Variants in LRFN5 observed in about 807,000 individuals in gnomAD.
LRFN5 encodes leucine-rich repeat and fibronectin type-III domain-containing protein 5.
In LRFN5, 24 loss-of-function variants were observed where a neutral mutation model predicts 45.6. That is an observed-to-expected ratio of 0.53 (90% CI 0.38 to 0.74). The LOEUF (loss-of-function observed/expected upper bound fraction) is 0.74. LRFN5 is among the 30% of genes least tolerant of loss of function. LRFN5 has a pLI of 0.00. For missense variants in LRFN5, 776 were observed against 861.5 expected, an observed-to-expected ratio of 0.90 and a Z score of 1.24; for synonymous variants, 340 against 313.8, an observed-to-expected ratio of 1.08 and a Z score of -0.88.
chr14:41,612,756 T>A (rs887015254), intron 1 of LRFN5, among the ~76,000 whole-genome samples: 4 of 152,112 alleles, frequency 2.6e-5, no homozygotes, highest in African/African-American at 9.7e-5. Flanking sequence ...AGAAGTATTA[T>A]GTTCATAATT....
At chr14:41,900,228 G>C (rs1227266711) in intron 5 of LRFN5, among the ~76,000 whole-genome samples, 1 of 152,042 alleles carries the variant, frequency 6.6e-6, no homozygotes, top group Non-Finnish European at 1.5e-5. Context: ...AGCCAAAATG[G>C]TACTAAATGT....
At chr14:41,758,639 T>A (rs1237608199) in intron 1 of LRFN5, among the ~76,000 whole-genome samples, 1 of 152,208 alleles carries the variant, frequency 6.6e-6, no homozygotes, top group Admixed American at 6.5e-5. Flanking sequence ...AGGGTTACGG[T>A]CTAATAAAAT....
intron 1 of LRFN5, among the ~76,000 whole-genome samples, chr14:41,671,250 A>C (rs1462243696): frequency 2.0e-5 from 3 of 152,178 alleles, no homozygotes; most frequent in Non-Finnish European, 1.5e-5. Flanking sequence ...CTAAGATGAG[A>C]ATATGGACTT....
At chr14:41,678,153 T>C (rs1881720122) in intron 1 of LRFN5, among the ~76,000 whole-genome samples, 1 of 152,034 alleles carries the variant, frequency 6.6e-6, no homozygotes, top group Non-Finnish European at 1.5e-5. Context: ...GATATACTAA[T>C]ATGTGACAAA....
intron 1 of LRFN5, among the ~76,000 whole-genome samples, chr14:41,658,611 A>G (rs1055813519): frequency 6.6e-6 from 1 of 151,980 alleles, no homozygotes; most frequent in African/African-American, 2.4e-5. Context: ...TTTTACCCAT[A>G]TAGCCAATGA....
intron 1 of LRFN5, among the ~76,000 whole-genome samples, chr14:41,669,013 A>G (rs902751286): frequency 1.3e-5 from 2 of 152,158 alleles, no homozygotes; most frequent in African/African-American, 4.8e-5. Flanking sequence ...GAAAATCAGG[A>G]TGAATAATCT....
chr14:41,805,609 G>T, intron 2 of LRFN5, among the ~76,000 whole-genome samples: 1 of 145,156 alleles, frequency 6.9e-6, no homozygotes. Context: ...CTGTGTCCAT[G>T]TGTTCTCATT....
chr14:41,667,723 G>T (rs1880970497), intron 1 of LRFN5, among the ~76,000 whole-genome samples: 1 of 152,042 alleles, frequency 6.6e-6, no homozygotes, highest in Admixed American at 6.6e-5. Context: ...CTGTTAATGG[G>T]CCTGTAGCTT....
chr14:41,810,957 T>G (rs1397401644), intron 2 of LRFN5, among the ~76,000 whole-genome samples: 1 of 151,962 alleles, frequency 6.6e-6, no homozygotes, highest in East Asian at 1.9e-4. Flanking sequence ...AAAAATGATA[T>G]CTGAATAAAG....
intron 2 of LRFN5, among the ~76,000 whole-genome samples, chr14:41,833,098 G>C (rs1888541706): frequency 6.6e-6 from 1 of 152,152 alleles, no homozygotes; most frequent in South Asian, 2.1e-4. Flanking sequence ...GCAGTTGGCA[G>C]TTTACCCATT....
At chr14:41,697,165 T>C (rs1476811592) in intron 1 of LRFN5, among the ~76,000 whole-genome samples, 2 of 151,982 alleles carry the variant, frequency 1.3e-5, no homozygotes, top group African/African-American at 2.4e-5. Flanking sequence ...ATTTCTTTCT[T>C]ATAGATAGGT....
intron 2 of LRFN5, among the ~76,000 whole-genome samples, chr14:41,798,729 TGTATA>T (rs980286472): frequency 1.6e-4 from 25 of 152,166 alleles, no homozygotes; most frequent in African/African-American, 5.5e-4. Flanking sequence ...GGTAAAAGTT[TGTATA>T]GTAATCTTTT....
At chr14:41,811,283 A>G (rs532232299) in intron 2 of LRFN5, among the ~76,000 whole-genome samples, 1 of 152,186 alleles carries the variant, frequency 6.6e-6, no homozygotes, top group South Asian at 2.1e-4. Flanking sequence ...AGTGTTAGTG[A>G]GCATGTCGAG....
At chr14:41,615,327 G>A (rs552712536) in intron 1 of LRFN5, among the ~76,000 whole-genome samples, 1 of 152,126 alleles carries the variant, frequency 6.6e-6, no homozygotes, top group South Asian at 2.1e-4. Flanking sequence ...TTTTAGCATG[G>A]TTGAAAGAGG....
chr14:41,833,386 G>A (rs1410046799), intron 2 of LRFN5, among the ~76,000 whole-genome samples: 3 of 152,080 alleles, frequency 2.0e-5, no homozygotes, highest in Non-Finnish European at 2.9e-5. Context: ...AGCCACATCC[G>A]CCTTCTATAG....
chr14:41,641,992 C>G (rs556053217), intron 1 of LRFN5, among the ~76,000 whole-genome samples: 3 of 152,160 alleles, frequency 2.0e-5, no homozygotes, highest in Non-Finnish European at 4.4e-5. Flanking sequence ...AAACCATGTT[C>G]TATTTCTGAC....
At chr14:41,647,793 G>T (rs1879889104) in intron 1 of LRFN5, among the ~76,000 whole-genome samples, 1 of 152,118 alleles carries the variant, frequency 6.6e-6, no homozygotes, top group Non-Finnish European at 1.5e-5. Context: ...TTTTTGAAGT[G>T]ATTGGATGAA....
chr14:41,723,247 C>G (rs1427139822), intron 1 of LRFN5, among the ~76,000 whole-genome samples: 1 of 152,128 alleles, frequency 6.6e-6, no homozygotes, highest in East Asian at 1.9e-4. Context: ...AGGATCTCTG[C>G]ACAGAAAGGG....
At chr14:41,745,827 G>A (rs998208021) in intron 1 of LRFN5, among the ~76,000 whole-genome samples, 1 of 151,868 alleles carries the variant, frequency 6.6e-6, no homozygotes, top group Non-Finnish European at 1.5e-5. Context: ...AGAAGAAATC[G>A]AATATCTGAA....
Sources: gnomAD v4.1 joint callset for allele counts (sites outside exome capture counted in the v4.1 genomes callset) on GRCh38, gnomAD v4.1.1 for gene constraint, MANE v1.5 for transcripts, NCBI Gene and HGNC (gene_info 2026-07-23, HGNC 2026-07-21) for gene names.